Variants in GNAI2 observed in about 807,000 individuals in gnomAD.
The protein encoded by GNAI2 is G protein subunit alpha i2.
Under a neutral mutation model 36.8 loss-of-function variants are expected in GNAI2, and 4 were observed. That is an observed-to-expected ratio of 0.11 (90% CI 0.05 to 0.25). GNAI2 has a LOEUF of 0.25. Among genes scored for constraint, GNAI2 ranks in the 10% least tolerant of loss-of-function variants. The pLI, the probability that GNAI2 is intolerant of heterozygous loss-of-function variation, is 1.00. For missense variants in GNAI2, 230 were observed against 481.3 expected, an observed-to-expected ratio of 0.48 and a Z score of 4.89; for synonymous variants, 194 against 194.1, an observed-to-expected ratio of 1.00 and a Z score of 0.01.
upstream of GNAI2, chr3:50,227,452 G>A (rs1479289845): frequency 3.1e-5 from 10 of 322,816 alleles, no homozygotes. The surrounding 1 kb of genome is among the most constrained non-coding windows in gnomAD (Gnocchi z 5.9). Context: ...TGGGGCGCGG[G>A]GAGGTGCTAG....
At chr3:50,244,785 G>T (rs1038477294) in intron 1 of GNAI2, among the ~76,000 whole-genome samples, 3 of 152,178 alleles carry the variant, frequency 2.0e-5, no homozygotes, top group Non-Finnish European at 4.4e-5. Context: ...AGGCCAGGCC[G>T]TAAGGGACTG....
chr3:50,233,092 G>A (rs1700098386), upstream of GNAI2, among the ~76,000 whole-genome samples: 1 of 151,870 alleles, frequency 6.6e-6, no homozygotes. Context: ...GTGTATGAGT[G>A]GAGTGGCAAG....
Position 50,236,263 on chromosome 3 carries a change from T to C in GNAI2, c.-73T>C. On this transcript the variant is annotated 5_prime_UTR_variant, in exon 1 of 9. Coordinates refer to ENST00000313601, the MANE Select transcript of GNAI2 (RefSeq NM_002070.4). This position sits in a 1 kb window ranked among gnomAD's most constrained non-coding sequence, Gnocchi z 4.0. ...CAGAGGGCTGGTGGTGGGAGCGGAGTGGGTCGGGCGGGGCCGAGCCGGGCC... is the reference window on the plus strand; with the variant it reads ...CAGAGGGCTGGTGGTGGGAGCGGAGCGGGTCGGGCGGGGCCGAGCCGGGCC... The C allele has an allele frequency of 8.2e-7, 1 of 1,217,074 alleles. No individual in the cohort carries two copies. The allele number at this position is 1,217,074 out of a possible 1,614,324, so 75.4% of individuals were successfully genotyped here.
At chr3:50,240,794 C>G (rs1423168400) in intron 1 of GNAI2, among the ~76,000 whole-genome samples, 1 of 151,920 alleles carries the variant, frequency 6.6e-6, no homozygotes, top group African/African-American at 2.4e-5. Flanking sequence ...TGGTATGTGC[C>G]TGTAATCCCA....
rs114670061 is a variant in GNAI2 at position 50,242,265 on chromosome 3, C to T, written c.118+5812C>T. Reference sequence around the variant, plus strand: ...CCTGAGTGCTGCCTCCCCTACATCCCGTTGTGCTGTGGGGGGAGGCAGGAC... The same window carrying T: ...CCTGAGTGCTGCCTCCCCTACATCCTGTTGTGCTGTGGGGGGAGGCAGGAC... On this transcript the variant is annotated intron_variant, in intron 1 of 8. Transcript: ENST00000313601. The surrounding 1 kb of genome is among the most constrained non-coding windows in gnomAD (Gnocchi z 4.8). Among the ~76,000 whole-genome samples the T allele has an allele frequency of 5.2e-3, 796 of 152,192 alleles. 1 individual carries two copies. The highest frequency in any genetic ancestry group is 8.5e-3 in the Non-Finnish European group (580 of 67,990).
chr3:50,243,324 C>G (rs1216240431), intron 1 of GNAI2, among the ~76,000 whole-genome samples: 2 of 152,082 alleles, frequency 1.3e-5, no homozygotes, highest in Non-Finnish European at 2.9e-5. Context: ...GGGAGAAGGA[C>G]GCTGGCGGGA....
At chr3:50,243,286 C>T (rs1237367956) in intron 1 of GNAI2, among the ~76,000 whole-genome samples, 2 of 152,246 alleles carry the variant, frequency 1.3e-5, no homozygotes, top group Non-Finnish European at 2.9e-5. Flanking sequence ...ATTCCAGGCC[C>T]CTTCTTTGGC....
intron 4 of GNAI2, among the ~76,000 whole-genome samples, chr3:50,254,006 G>A (rs1399057312): frequency 6.6e-6 from 1 of 152,054 alleles, no homozygotes; most frequent in African/African-American, 2.4e-5. Flanking sequence ...GCTGGAGGGG[G>A]CCACAGGGGA....
intron 1 of GNAI2, among the ~76,000 whole-genome samples, chr3:50,237,774 G>T (rs897213272): frequency 1.5e-4 from 22 of 151,142 alleles, no homozygotes; most frequent in African/African-American, 5.1e-4. Flanking sequence ...TTTTAGAGTT[G>T]GGGGGAGGGA....
chr3:50,246,278 T>TGGCTGG (rs1700422042), intron 1 of GNAI2, among the ~76,000 whole-genome samples: 1 of 150,540 alleles, frequency 6.6e-6, no homozygotes, highest in Non-Finnish European at 1.5e-5. Flanking sequence ...CAGTCGCCCC[T>TGGCTGG]GGCTGAGGCT....
intron 1 of GNAI2, among the ~76,000 whole-genome samples, chr3:50,244,622 G>A (rs1022362770): frequency 6.6e-6 from 1 of 152,206 alleles, no homozygotes; most frequent in Non-Finnish European, 1.5e-5. Flanking sequence ...GGTACTGTGT[G>A]GTGGTAGAAT....
At chr3:50,257,190 G>T in intron 7 of GNAI2, 100 bp downstream of exon 7, 1 of 1,013,768 alleles carries the variant, frequency 9.9e-7, no homozygotes, top group South Asian at 1.4e-5. Flanking sequence ...CTGGACAGAA[G>T]TGTAACCTTG....
intron 1 of GNAI2, among the ~76,000 whole-genome samples, chr3:50,248,082 A>C (rs997147959): frequency 2.6e-5 from 4 of 152,202 alleles, no homozygotes; most frequent in Admixed American, 6.5e-5. Flanking sequence ...TAAAAATACA[A>C]AAATTAGCCG....
At chr3:50,247,054 T>G in intron 1 of GNAI2, 1 of 866,446 alleles carries the variant, frequency 1.2e-6, no homozygotes, top group Non-Finnish European at 1.9e-6. Context: ...CAGTCTTCTC[T>G]GCAGGTTGCA....
In GNAI2 at chr3:50,253,894, AG is replaced by A. The variant is rs1468644266; in HGVS notation, c.464+714del. Among the ~76,000 whole-genome samples, 1 of 152,132 alleles carries A rather than the reference AG, an allele frequency of 6.6e-6. No individual in the cohort carries two copies. ...GCTGAGCTCTGAAGGAGAGTCAGCC[AG>A]GGGAGGAGTGGATGAGGGGATTCCA... On this transcript the variant is annotated intron_variant, in intron 4 of 8. Transcript: ENST00000313601. The surrounding 1 kb of genome is among the most constrained non-coding windows in gnomAD (Gnocchi z 4.2).
chr3:50,249,537 C>T (rs1205744770), intron 1 of GNAI2, among the ~76,000 whole-genome samples: 4 of 152,178 alleles, frequency 2.6e-5, no homozygotes, highest in African/African-American at 4.8e-5. Flanking sequence ...ATACTGGGCC[C>T]GGCCCCTGTA....
intron 4 of GNAI2, among the ~76,000 whole-genome samples, chr3:50,254,952 G>A (rs1575454833): frequency 6.6e-6 from 1 of 152,188 alleles, no homozygotes; most frequent in East Asian, 1.9e-4. Context: ...GGGGTCCCTG[G>A]GGCGAACCCA....
In GNAI2 at chr3:50,255,690, G is replaced by A. The variant is rs782083756; in HGVS notation, c.465-502G>A. On this transcript the variant is annotated intron_variant, in intron 4 of 8. Coordinates refer to ENST00000313601, the MANE Select transcript of GNAI2 (RefSeq NM_002070.4). The surrounding 1 kb of genome is among the most constrained non-coding windows in gnomAD (Gnocchi z 4.0). ...ATTCCCATTCTACAGGTGGGAGGCCGGGGGCTCTGAGTTCAGGTTTCTTCA... is the reference window on the plus strand; with the variant it reads ...ATTCCCATTCTACAGGTGGGAGGCCAGGGGCTCTGAGTTCAGGTTTCTTCA... 9.2e-5 allele frequency among the ~76,000 whole-genome samples: 14 copies of A among 152,182 alleles called. No individual in the cohort carries two copies. Among genetic ancestry groups the A allele is most frequent in the South Asian group, 2.1e-4 (1 of 4,824 alleles).
rs587700832 is a variant in GNAI2, at chr3:50,255,886, A to G, written c.465-306A>G. Among the ~76,000 whole-genome samples the G allele has an allele frequency of 1.3e-5, 2 of 152,024 alleles. No homozygotes were observed. The highest frequency in any genetic ancestry group is 4.8e-5 in the African/African-American group (2 of 41,494). ...GCCAACATGGTGAAACCCCGTCTCTACTAAAAATACAAAAATTAGCTGGGC... is the reference window on the plus strand; with the variant it reads ...GCCAACATGGTGAAACCCCGTCTCTGCTAAAAATACAAAAATTAGCTGGGC... On this transcript the variant is annotated intron_variant, in intron 4 of 8. Coordinates refer to ENST00000313601, the MANE Select transcript of GNAI2 (RefSeq NM_002070.4). The surrounding 1 kb of genome is among the most constrained non-coding windows in gnomAD (Gnocchi z 4.0).
Sources: allele counts gnomAD v4.1 joint callset (sites outside exome capture counted in the v4.1 genomes callset), GRCh38; gene constraint gnomAD v4.1.1; non-coding constraint Gnocchi (gnomAD v3.1); transcripts MANE v1.5; gene names NCBI Gene and HGNC (gene_info 2026-07-23, HGNC 2026-07-21).